Variants in DOCK9 observed in about 807,000 individuals in gnomAD.
The protein encoded by DOCK9 is dedicator of cytokinesis 9, also known as dedicator of cytokinesis protein 9.
A neutral mutation model predicts 263.3 loss-of-function variants in DOCK9; 89 were observed. The observed-to-expected ratio is 0.34, with a 90% CI of 0.28 to 0.40. The LOEUF is 0.40. DOCK9 is among the 10% of genes least tolerant of loss of function. The pLI, the probability that DOCK9 is intolerant of heterozygous loss-of-function variation, is 1.00. For missense variants in DOCK9, 2,140 were observed against 2,603.4 expected (o/e 0.82, Z 3.87); for synonymous variants, 976 against 973.1 (o/e 1.00, Z -0.06).
At chr13:98,887,143 A>ATATATATATT (rs1470080750) in intron 18 of DOCK9, among the ~76,000 whole-genome samples, 3 of 95,292 alleles carry the variant, frequency 3.1e-5, no homozygotes, top group African/African-American at 1.3e-4. Flanking sequence ...ATATATATAT[A>ATATATATATT]TTTTTTTTTT....
chr13:98,940,649 C>T (rs2055672386), intron 2 of DOCK9, among the ~76,000 whole-genome samples: 2 of 152,164 alleles, frequency 1.3e-5, no homozygotes, highest in South Asian at 4.1e-4. Flanking sequence ...TTCTATAATC[C>T]ATCTTGTTGG....
chr13:99,041,116 A>G (rs1430701044), intron 1 of DOCK9, among the ~76,000 whole-genome samples: 1 of 152,198 alleles, frequency 6.6e-6, no homozygotes, highest in Non-Finnish European at 1.5e-5. Context: ...AAGTTCAAGC[A>G]GGACAGTGGG....
intron 46 of DOCK9, 29 bp downstream of exon 46, chr13:98,810,140 A>G (rs778495193): frequency 6.2e-7 from 1 of 1,613,600 alleles, no homozygotes; most frequent in Non-Finnish European, 8.5e-7. Context: ...GCTCTCAAAT[A>G]GGAAAAAAAC....
rs201089723 is a variant in DOCK9 at position 98,863,004 on chromosome 13, A to G, written c.3579+15T>C. ...ACCTGATATAGGCTGAGTTAATGTG[A>G]CCATGCTTACGTACCATGCCCGCGT... On this transcript the variant is annotated intron_variant, in intron 32 of 52. Transcript: ENST00000682017. 1 of 1,588,218 alleles carries G rather than the reference A, an allele frequency of 6.3e-7. No homozygotes were observed.
intron 1 of DOCK9, among the ~76,000 whole-genome samples, chr13:99,066,916 C>A (rs1200747842): frequency 6.6e-6 from 1 of 152,212 alleles, no homozygotes; most frequent in Non-Finnish European, 1.5e-5. Context: ...TATCCTATCA[C>A]TACTCCCATG....
intron 1 of DOCK9, among the ~76,000 whole-genome samples, chr13:99,019,583 A>G (rs1885830356): frequency 6.6e-6 from 1 of 152,162 alleles, no homozygotes. Flanking sequence ...CACCAAAAAA[A>G]GCCAAGCCAG....
intron 48 of DOCK9, among the ~76,000 whole-genome samples, chr13:98,807,203 C>T (rs1283518520): frequency 2.0e-5 from 3 of 152,142 alleles, no homozygotes; most frequent in Non-Finnish European, 4.4e-5. Flanking sequence ...AGAAAATGAT[C>T]GCCATTCCCA....
chr13:99,065,998 CTTAT>C (rs1408028100), intron 1 of DOCK9, among the ~76,000 whole-genome samples: 3 of 152,192 alleles, frequency 2.0e-5, no homozygotes, highest in Admixed American at 6.5e-5. Context: ...CATGTGCATG[CTTAT>C]TTGTTTGCCA....
At chr13:98,914,212 A>C in intron 9 of DOCK9, 116 bp downstream of exon 9, 1 of 849,306 alleles carries the variant, frequency 1.2e-6, no homozygotes, top group Non-Finnish European at 1.8e-6. Context: ...AAAAAGAGAG[A>C]GGTAATCACA....
chr13:98,882,474 C>A lies in DOCK9; in HGVS notation c.2560-467G>T, dbSNP rs77400012. Among the ~76,000 whole-genome samples, 53 of 152,266 alleles carry A rather than the reference C, an allele frequency of 3.5e-4. 1 individual carries two copies. The East Asian group carries it at 9.3e-3, about 27-fold the overall frequency. ...AATTTCTATTCCATTTCTCACATTTCTTGTTTTGTCCCCATGCCCTTTTAG... is the reference window on the plus strand; with the variant it reads ...AATTTCTATTCCATTTCTCACATTTATTGTTTTGTCCCCATGCCCTTTTAG... On this transcript the variant is annotated intron_variant, in intron 23 of 52. Coordinates refer to ENST00000682017, the MANE Select transcript of DOCK9 (RefSeq NM_001366683.2).
At chr13:98,858,689 A>T (rs2093767758) in intron 33 of DOCK9, 1 of 152,224 alleles carries the variant, frequency 6.6e-6, no homozygotes, top group Admixed American at 6.6e-5. Context: ...ATTCCTATGA[A>T]AAGTGGATTT....
chr13:99,019,128 G>A (rs907815279), intron 1 of DOCK9, among the ~76,000 whole-genome samples: 2 of 152,238 alleles, frequency 1.3e-5, no homozygotes, highest in East Asian at 3.9e-4. Context: ...AAGAAGCCAG[G>A]CACCAAAGAC....
At position 98,853,452 on chromosome 13, in the gene DOCK9, C is replaced by T; in HGVS notation, c.3902G>A (p.Ser1301Asn). The T allele has an allele frequency of 6.2e-7, 1 of 1,613,644 alleles. No homozygotes were observed. The highest frequency in any genetic ancestry group is 1.1e-5 in the South Asian group (1 of 91,000). The change falls in exon 35 of 53, where the codon AGC becomes AAC. Residue 1301 changes from serine (S) to asparagine (N), a missense_variant. Coordinates refer to ENST00000682017, the MANE Select transcript of DOCK9 (RefSeq NM_001366683.2). ...GATGTAGAGGAAACACATCAGTAGG[C>T]TCTTAATCTCAGACTGGTCAAGTTT... ...CDKLDQSEIK[S>N]LLMCFLYILK...
intron 2 of DOCK9, among the ~76,000 whole-genome samples, chr13:98,951,265 T>C (rs2057378616): frequency 6.6e-6 from 1 of 152,248 alleles, no homozygotes; most frequent in Non-Finnish European, 1.5e-5. Context: ...TACCTACTTC[T>C]GCCAAACCAA....
At chr13:99,005,837 C>T (rs564133441) in intron 1 of DOCK9, among the ~76,000 whole-genome samples, 1 of 152,160 alleles carries the variant, frequency 6.6e-6, no homozygotes, top group South Asian at 2.1e-4. Context: ...TATAAAAAAA[C>T]AAATGTGGCT....
chr13:99,086,334 C>A, exon 1 of DOCK9: 1 of 1,457,710 alleles, frequency 6.9e-7, no homozygotes. Flanking sequence ...AGGCGGGGAG[C>A]AGCGGCGGCT....
At position 98,902,305 on chromosome 13, in the gene DOCK9, T is replaced by C; in HGVS notation, c.1363A>G (p.Met455Val). Residue 455 changes from methionine to valine, a missense_variant, in exon 12 of 53, where the codon ATG becomes GTG. Physicochemically the swap from Met to Val is conservative, Grantham distance 21. Around this residue, in one of 2 missense-constraint regions of DOCK9, gnomAD observed 1,521 missense variants for 1,741.7 expected, o/e 0.87. Transcript: ENST00000682017. ...CTCCCCACCTGCTTCGGATACTGCA[T>C]GGCGGCTTCATGAAGGATGCCCTTG... ...VLKGILHEAA[M>V]QYPKQGIFSV... 1.2e-6 allele frequency: 2 copies of C among 1,613,918 alleles called. No individual in the cohort carries two copies. The highest frequency in any genetic ancestry group is 1.7e-6 in the Non-Finnish European group (2 of 1,179,876).
intron 2 of DOCK9, among the ~76,000 whole-genome samples, chr13:98,940,544 G>A (rs913794906): frequency 1.6e-4 from 24 of 152,224 alleles, no homozygotes; most frequent in African/African-American, 5.3e-4. Context: ...GATTACAGGC[G>A]TGACTCACTG....
At chr13:98,985,712 C>CT (rs1317524021) in intron 1 of DOCK9, among the ~76,000 whole-genome samples, 1 of 152,208 alleles carries the variant, frequency 6.6e-6, no homozygotes, top group Non-Finnish European at 1.5e-5. Context: ...TCTCAGGAAA[C>CT]TAAACTCCTG....
Sources: allele counts gnomAD v4.1 joint callset (sites outside exome capture counted in the v4.1 genomes callset), GRCh38; gene constraint gnomAD v4.1.1; regional missense constraint gnomAD v4.1.1; transcripts MANE v1.5; gene names NCBI Gene and HGNC (gene_info 2026-07-23, HGNC 2026-07-21).